Variants in CLCN7 observed in about 807,000 individuals in gnomAD.
CLCN7 encodes the protein Cl-/H+ antiporter 7.
CLCN7 carries 60 observed loss-of-function variants against 102.1 expected under a neutral mutation model. That is an observed-to-expected ratio of 0.59 (90% CI 0.48 to 0.73). The LOEUF is 0.73. CLCN7 is among the 30% of genes least tolerant of loss of function. CLCN7 has a pLI of 0.00. For missense variants in CLCN7, 962 were observed against 1,125.7 expected, an observed-to-expected ratio of 0.85 and a Z score of 2.08; for synonymous variants, 560 against 490.5, an observed-to-expected ratio of 1.14 and a Z score of -1.87.
rs199624855 is a variant in CLCN7 at position 1,453,806 on chromosome 16, C to A, written c.1214+28G>T. 3.7e-5 allele frequency: 59 copies of A among 1,611,332 alleles called. No homozygotes were observed. In the African/African-American group the frequency reaches 6.4e-4, roughly 17 times the overall value. On this transcript the variant is annotated intron_variant, in intron 14 of 24. Transcript: ENST00000382745. The stretch of plus-strand genomic sequence containing the variant: ...GGGCCTGTGTGGCCACGCCTGCCAA[C>A]GCGATATGCAATGCGGTTTCTCCTC...
chr16:1,446,367 C>T lies in CLCN7; in HGVS notation c.*264G>A, dbSNP rs893435889. On this transcript the variant is annotated 3_prime_UTR_variant, in exon 25 of 25. Transcript: ENST00000382745. Reference sequence around the variant, plus strand: ...GGGAGGTCACACACACACAGCTGATCCCTGGAGGTAAAGAAACCTAGACGA... The same window carrying T: ...GGGAGGTCACACACACACAGCTGATTCCTGGAGGTAAAGAAACCTAGACGA... 1.1e-5 allele frequency: 8 copies of T among 702,152 alleles called. No homozygotes were observed. The highest frequency in any genetic ancestry group is 1.8e-5 in the Non-Finnish European group (7 of 384,764). 43.5% of individuals were successfully genotyped at this position (702,152 alleles called of 1,614,324 possible). A position where few individuals can be genotyped will look rare whatever the true frequency, so the allele number is the denominator to read the frequency against.
Position 1,457,681 on chromosome 16 carries a change from T to A in CLCN7, c.738+13A>T. ...TCAGGCTCCAGCTGGAGTGGCCATGTGCACTTTGTTACCTTTCCCACGGCC... is the reference window on the plus strand; with the variant it reads ...TCAGGCTCCAGCTGGAGTGGCCATGAGCACTTTGTTACCTTTCCCACGGCC... On this transcript the variant is annotated intron_variant, in intron 8 of 24. Transcript: ENST00000382745. This position sits in a 1 kb window ranked among gnomAD's most constrained non-coding sequence, Gnocchi z 5.4. 6.2e-7 allele frequency: 1 copy of A among 1,613,390 alleles called. No individual in the cohort carries two copies. Among genetic ancestry groups the A allele is most frequent in the Non-Finnish European group, 8.5e-7 (1 of 1,179,894 alleles).
chr16:1,461,370 C>T (rs1327494378), intron 4 of CLCN7, 35 bp downstream of exon 4: 2 of 1,530,948 alleles, frequency 1.3e-6, no homozygotes, highest in Non-Finnish European at 1.8e-6. Context: ...AGGCCCCGCA[C>T]CGTGGGGCCC....
At chr16:1,450,162 G>A (rs373212771) in intron 17 of CLCN7, 22 of 389,332 alleles carry the variant, frequency 5.7e-5, no homozygotes, top group African/African-American at 3.3e-4. Flanking sequence ...AGCCCTGGCC[G>A]GACATCCACC....
chr16:1,446,471 G>C lies in CLCN7; in HGVS notation c.*160C>G, dbSNP rs1328657094. On this transcript the variant is annotated 3_prime_UTR_variant, in exon 25 of 25. Coordinates refer to ENST00000382745, the MANE Select transcript of CLCN7 (RefSeq NM_001287.6). ...CCACAACAGGGTCAGTCCCGCGAGA[G>C]GGTCAGTTCCGCGCCTGCCGCCTGC... is the stretch of plus-strand genomic sequence containing the variant. The C allele has an allele frequency of 6.9e-6, 5 of 727,008 alleles. No homozygotes were observed. The highest frequency in any genetic ancestry group is 2.0e-5 in the Admixed American group (1 of 50,010). 45.0% of individuals were successfully genotyped at this position (727,008 alleles called of 1,614,324 possible). A position where few individuals can be genotyped will look rare whatever the true frequency, so the allele number is the denominator to read the frequency against.
chr16:1,460,818 C>G lies in CLCN7; in HGVS notation c.482G>C (p.Gly161Ala). 5 of 1,614,028 alleles carry G rather than the reference C, an allele frequency of 3.1e-6. No individual in the cohort carries two copies. The highest frequency in any genetic ancestry group is 4.2e-6 in the Non-Finnish European group (5 of 1,179,956). The change falls in exon 5 of 25, where the codon GGC becomes GCC. Residue 161 changes from glycine (G) to alanine (A), a missense_variant and splice_region_variant. Gly to Ala is a moderately conservative substitution (Grantham distance 60). Transcript: ENST00000382745. ...AGCGGCCGCACTGGGAAGGATACTG[C>G]CCTTGATGACCCTGTACTTGAGGCC... ...LAGLKYRVIKGNIDKFTEKGG... is the reference protein window; with the variant it reads ...LAGLKYRVIKANIDKFTEKGG...
intron 1 of CLCN7, among the ~76,000 whole-genome samples, chr16:1,468,132 T>TG (rs1036358765): frequency 1.3e-4 from 19 of 151,492 alleles, no homozygotes; most frequent in African/African-American, 4.6e-4. Context: ...CACAGTCACA[T>TG]GTCCTGGGCG....
Position 1,457,628 on chromosome 16 carries a change from C to T in CLCN7, c.738+66G>A, listed in dbSNP as rs116970554. The stretch of plus-strand genomic sequence containing the variant: ...ACCGGTGCTCAGAGACACACATGGG[C>T]GTGGCGGCCCTCGCGGGCCCGGCGG... On this transcript the variant is annotated intron_variant, in intron 8 of 24. Coordinates refer to ENST00000382745, the MANE Select transcript of CLCN7 (RefSeq NM_001287.6). The surrounding 1 kb of genome is among the most constrained non-coding windows in gnomAD (Gnocchi z 5.4). The T allele has an allele frequency of 6.3e-3, 9,450 of 1,490,054 alleles. 95 individuals are homozygous for T. Among genetic ancestry groups the T allele is most frequent in the Non-Finnish European group, 6.6e-3 (7,080 of 1,071,714 alleles). The allele number at this position is 1,490,054 out of a possible 1,614,324, so 92.3% of individuals were successfully genotyped here. A position where few individuals can be genotyped will look rare whatever the true frequency, so the allele number is the denominator to read the frequency against.
At chr16:1,463,353 G>C (rs2038964219) in intron 2 of CLCN7, among the ~76,000 whole-genome samples, 1 of 152,176 alleles carries the variant, frequency 6.6e-6, no homozygotes, top group Non-Finnish European at 1.5e-5. Flanking sequence ...AATACAACCT[G>C]TGCGGGGTGT....
intron 1 of CLCN7, among the ~76,000 whole-genome samples, chr16:1,471,129 C>T (rs1245229223): frequency 6.6e-6 from 1 of 152,190 alleles, no homozygotes; most frequent in African/African-American, 2.4e-5. Flanking sequence ...ACAGGAACAG[C>T]AACCCACAGG....
rs923808258 is a variant in CLCN7 at position 1,456,158 on chromosome 16, C to A, written c.871G>T (p.Ala291Ser). ...RDTEKRDFVS[A>S]GAAAGVSAAF... ...GCTGACACTCCGGCCGCAGCCCCTG[C>A]GGAGACGAAGTCCCGCTTCTCTGTG... The change falls in exon 10 of 25, where the codon GCA becomes TCA. Residue 291 changes from alanine to serine, a missense_variant. Transcript: ENST00000382745. 7 of 1,567,362 alleles carry A rather than the reference C, an allele frequency of 4.5e-6. No individual in the cohort carries two copies. Among genetic ancestry groups the A allele is most frequent in the Non-Finnish European group, 6.1e-6 (7 of 1,155,566 alleles).
intron 1 of CLCN7, among the ~76,000 whole-genome samples, chr16:1,469,558 C>T (rs1381378107): frequency 9.9e-5 from 15 of 152,098 alleles, no homozygotes; most frequent in Admixed American, 6.6e-5. Context: ...TGGTGGTGGG[C>T]GCCTGTAATC....
At chr16:1,460,001 C>G (rs1265044406) in intron 6 of CLCN7, among the ~76,000 whole-genome samples, 2 of 150,148 alleles carry the variant, frequency 1.3e-5, no homozygotes, top group African/African-American at 5.0e-5. Context: ...GTCGGGGCCT[C>G]AGGGAAGGGA....
At chr16:1,473,638 G>A (rs895121402) in intron 1 of CLCN7, among the ~76,000 whole-genome samples, 1 of 151,712 alleles carries the variant, frequency 6.6e-6, no homozygotes, top group Non-Finnish European at 1.5e-5. Context: ...CTCCCAAAGT[G>A]CTGGGATTAC....
chr16:1,471,693 CG>C (rs1174549634), intron 1 of CLCN7: 1 of 152,248 alleles, frequency 6.6e-6, no homozygotes, highest in Non-Finnish European at 1.5e-5. Context: ...TTTTCGCAGA[CG>C]GGAAAACTGG....
intron 1 of CLCN7, among the ~76,000 whole-genome samples, chr16:1,472,296 T>A (rs1031967483): frequency 6.6e-6 from 1 of 152,222 alleles, no homozygotes; most frequent in Non-Finnish European, 1.5e-5. Context: ...AATGGCGTGA[T>A]CTCGGCTCAG....
At chr16:1,465,450 G>A in intron 1 of CLCN7, 112 bp from the exon 2 acceptor site, 1 of 977,424 alleles carries the variant, frequency 1.0e-6, no homozygotes, top group South Asian at 1.4e-5. Flanking sequence ...CGGGAGCTCA[G>A]GAATGGGCTA....
rs759683749 is a variant in CLCN7 at position 1,461,640 on chromosome 16, A to G, written c.248T>C (p.Ile83Thr). 6.2e-7 allele frequency: 1 copy of G among 1,614,076 alleles called. No individual in the cohort carries two copies. Among genetic ancestry groups the G allele is most frequent in the South Asian group, 1.1e-5 (1 of 91,064 alleles). ...GGACAGGAGCTTCTCGTTGTGTGGGATCTCCTTGGGGAAGGGATGTGGAGG... is the reference window on the plus strand; with the variant it reads ...GGACAGGAGCTTCTCGTTGTGTGGGGTCTCCTTGGGGAAGGGATGTGGAGG... ...MDPPHPFPKE[I>T]PHNEKLLSLK... The change falls in exon 3 of 25, where the codon ATC becomes ACC. Residue 83 changes from isoleucine (I) to threonine (T), a missense_variant. Ile to Thr is a moderately conservative substitution (Grantham distance 89). Coordinates refer to ENST00000382745, the MANE Select transcript of CLCN7 (RefSeq NM_001287.6).
chr16:1,450,506 C>A lies in CLCN7; in HGVS notation c.1608G>T (p.Thr536=), dbSNP rs372260063. Reference sequence around the variant, plus strand: ...CTCCGGCCCCACTCACCGCCGCCCCCGTGAGGTAGGACAGGGAGATCCCAA... The same window carrying A: ...CTCCGGCCCCACTCACCGCCGCCCCAGTGAGGTAGGACAGGGAGATCCCAA... ...RLFGISLSYL[T]GAAIWADPGK... The change falls in exon 17 of 25, where the codon ACG becomes ACT. Residue 536 remains threonine (T), a synonymous_variant. Transcript: ENST00000382745. The A allele has an allele frequency of 6.2e-7, 1 of 1,604,550 alleles. No homozygotes were observed. Among genetic ancestry groups the A allele is most frequent in the East Asian group, 2.2e-5 (1 of 44,492 alleles).
Sources: allele counts gnomAD v4.1 joint callset (sites outside exome capture counted in the v4.1 genomes callset), GRCh38; gene constraint gnomAD v4.1.1; non-coding constraint Gnocchi (gnomAD v3.1); transcripts MANE v1.5; gene names NCBI Gene and HGNC (gene_info 2026-07-23, HGNC 2026-07-21).